GFRA2: variants seen among roughly 807,000 people sequenced by gnomAD.
GFRA2 encodes GDNF family receptor alpha-2.
Under a neutral mutation model 48.3 loss-of-function variants are expected in GFRA2, and 17 were observed. The ratio of observed to expected loss-of-function variants is 0.35; its 90% CI spans 0.24 to 0.53. The LOEUF is 0.53. Among genes scored for constraint, GFRA2 ranks in the 20% least tolerant of loss-of-function variants. GFRA2 has a pLI of 0.93. For synonymous variants in GFRA2, 305 were observed against 257.2 expected (o/e 1.19, Z -1.78); for missense variants, 660 against 637.3 (o/e 1.04, Z -0.38).
intron 1 of GFRA2, among the ~76,000 whole-genome samples, chr8:21,807,511 C>A (rs748586235): frequency 2.6e-5 from 4 of 152,198 alleles, no homozygotes; most frequent in Admixed American, 6.5e-5. Context: ...GTACTGTAAA[C>A]TGGGTAGCTT....
At chr8:21,739,675 C>G (rs1322360795) in intron 4 of GFRA2, among the ~76,000 whole-genome samples, 1 of 152,178 alleles carries the variant, frequency 6.6e-6, no homozygotes, top group Non-Finnish European at 1.5e-5. Context: ...GGGATGCCCA[C>G]GTGGAAGGCA....
chr8:21,729,088 C>CTTGTTT (rs1487634682), intron 4 of GFRA2, among the ~76,000 whole-genome samples: 3 of 152,228 alleles, frequency 2.0e-5, no homozygotes, highest in African/African-American at 7.2e-5. Flanking sequence ...CCAGGTGACT[C>CTTGTTT]TCTGCTCATC....
intron 4 of GFRA2, among the ~76,000 whole-genome samples, chr8:21,709,965 G>A (rs868591485): frequency 9.2e-5 from 14 of 152,220 alleles, no homozygotes; most frequent in Admixed American, 1.3e-4. Context: ...GGAGAGCAGG[G>A]CCATAGGGAG....
chr8:21,801,676 G>C (rs953586689), intron 2 of GFRA2, among the ~76,000 whole-genome samples: 1 of 151,944 alleles, frequency 6.6e-6, no homozygotes, highest in Non-Finnish European at 1.5e-5. Context: ...AAGGAAGTGG[G>C]TTTTTAGAGA....
chr8:21,764,684 G>A (rs1444355195), intron 3 of GFRA2, among the ~76,000 whole-genome samples: 1 of 152,172 alleles, frequency 6.6e-6, no homozygotes, highest in African/African-American at 2.4e-5. Context: ...ACTTATTGAA[G>A]ACATCACTCC....
At chr8:21,735,116 G>A (rs1486562029) in intron 4 of GFRA2, among the ~76,000 whole-genome samples, 9 of 152,206 alleles carry the variant, frequency 5.9e-5, no homozygotes, top group South Asian at 4.2e-4. Context: ...TGAACACCTC[G>A]GGCACATGTC....
chr8:21,769,242 G>A (rs1806326023), intron 3 of GFRA2: 2 of 905,148 alleles, frequency 2.2e-6, no homozygotes, highest in South Asian at 1.0e-4. Context: ...TCTGGCCCCA[G>A]CCCCGCCCCA....
intron 3 of GFRA2, among the ~76,000 whole-genome samples, chr8:21,763,211 C>T (rs999361625): frequency 1.3e-5 from 2 of 152,176 alleles, no homozygotes; most frequent in African/African-American, 2.4e-5. Context: ...AATTCAAAGA[C>T]TTAGTTTGGG....
At position 21,717,793 on chromosome 8, in the gene GFRA2, G is replaced by C. The variant is rs146382601; in HGVS notation, c.795-11752C>G. ...GGAGAAAGAGCCTAGGGCTATCCTGGGAAATGGCCACCAAACCCTTCAGGA... is the reference window on the plus strand; with the variant it reads ...GGAGAAAGAGCCTAGGGCTATCCTGCGAAATGGCCACCAAACCCTTCAGGA... On this transcript the variant is annotated intron_variant, in intron 4 of 8. Coordinates refer to ENST00000524240, the MANE Select transcript of GFRA2 (RefSeq NM_001495.5). Among the ~76,000 whole-genome samples the C allele has an allele frequency of 2.6e-3, 398 of 152,242 alleles. 1 individual carries two copies. The highest frequency in any genetic ancestry group is 4.5e-3 in the Non-Finnish European group (309 of 68,004).
chr8:21,757,721 C>G (rs557816266), intron 3 of GFRA2, among the ~76,000 whole-genome samples: 1 of 152,048 alleles, frequency 6.6e-6, no homozygotes, highest in Non-Finnish European at 1.5e-5. Context: ...CAGATGGTCT[C>G]GAACTCCTGG....
chr8:21,715,412 G>T (rs150187907), intron 4 of GFRA2, among the ~76,000 whole-genome samples: 1 of 152,212 alleles, frequency 6.6e-6, no homozygotes, highest in Non-Finnish European at 1.5e-5. Flanking sequence ...AGGTTCAGGC[G>T]ATTCTTCTGC....
chr8:21,804,270 A>C (rs1807820861), intron 2 of GFRA2, among the ~76,000 whole-genome samples: 1 of 152,068 alleles, frequency 6.6e-6, no homozygotes, highest in African/African-American at 2.4e-5. Context: ...CTGGATTCTC[A>C]GCCTGGTTCT....
chr8:21,710,747 G>C (rs1353137488), intron 4 of GFRA2, among the ~76,000 whole-genome samples: 3 of 152,224 alleles, frequency 2.0e-5, no homozygotes, highest in Non-Finnish European at 4.4e-5. Flanking sequence ...AAACGGAGGG[G>C]GAGAACACAG....
At chr8:21,789,336 T>G (rs1407036837), upstream of GFRA2, 1 of 152,038 alleles carries the variant, frequency 6.6e-6, no homozygotes, top group Non-Finnish European at 1.5e-5. Context: ...GGCTGCGCCC[T>G]CCAACCCCCA....
At position 21,765,613 on chromosome 8, in the gene GFRA2, T is replaced by G. The variant is rs147376040; in HGVS notation, c.439+9359A>C. Reference sequence around the variant, plus strand: ...GTGGCTTTAAACACTGTCTATATGCTAATCACTCTCAATCCATGTATCAAC... The same window carrying G: ...GTGGCTTTAAACACTGTCTATATGCGAATCACTCTCAATCCATGTATCAAC... On this transcript the variant is annotated intron_variant, in intron 3 of 8. Coordinates refer to ENST00000524240, the MANE Select transcript of GFRA2 (RefSeq NM_001495.5). Among the ~76,000 whole-genome samples, 1,202 of 152,138 alleles carry G rather than the reference T, an allele frequency of 7.9e-3. 15 individuals are homozygous for G. Among genetic ancestry groups the G allele is most frequent in the African/African-American group, 0.028 (1,159 of 41,492 alleles).
At chr8:21,710,647 A>C (rs1802977111) in intron 4 of GFRA2, among the ~76,000 whole-genome samples, 1 of 152,156 alleles carries the variant, frequency 6.6e-6, no homozygotes, top group African/African-American at 2.4e-5. Context: ...CACTGACAAG[A>C]GCACCCCCTC....
In GFRA2 at chr8:21,782,618, T is replaced by C; in HGVS notation, c.322A>G (p.Ile108Val). 6.3e-7 allele frequency: 1 copy of C among 1,585,012 alleles called. No individual in the cohort carries two copies. The highest frequency in any genetic ancestry group is 8.6e-7 in the Non-Finnish European group (1 of 1,166,280). The change falls in exon 2 of 9, where the codon ATC (isoleucine) becomes GTC (valine). Residue 108 changes from isoleucine to valine, a missense_variant. Ile to Val is a conservative substitution (Grantham distance 29, BLOSUM62 3). Coordinates refer to ENST00000524240, the MANE Select transcript of GFRA2 (RefSeq NM_001495.5). ...GMKKELQCLQ[I>V]YWSIHLGLTE... Reference sequence around the variant, plus strand: ...AGCCCCAGGTGGATGCTCCAGTAGATCTGCAGACACTGCAGCTCCTTCTTC... The same window carrying C: ...AGCCCCAGGTGGATGCTCCAGTAGACCTGCAGACACTGCAGCTCCTTCTTC...
intron 7 of GFRA2, among the ~76,000 whole-genome samples, chr8:21,700,297 A>C (rs1256977956): frequency 2.0e-5 from 3 of 152,202 alleles, no homozygotes; most frequent in African/African-American, 7.2e-5. Context: ...AGGCCCTATC[A>C]GGCCTCTCCA....
chr8:21,803,438 T>C (rs1807806297), intron 2 of GFRA2, among the ~76,000 whole-genome samples: 1 of 152,138 alleles, frequency 6.6e-6, no homozygotes, highest in Non-Finnish European at 1.5e-5. Context: ...CTGGGGTGTT[T>C]GGCTAATCAG....
Sources: allele counts gnomAD v4.1 joint callset (sites outside exome capture counted in the v4.1 genomes callset), GRCh38; gene constraint gnomAD v4.1.1; transcripts MANE v1.5; gene names NCBI Gene and HGNC (gene_info 2026-07-23, HGNC 2026-07-21).